Variants in ARHGAP23 observed in about 807,000 individuals in gnomAD.
ARHGAP23 encodes Rho GTPase activating protein 23.
ARHGAP23 carries 34 observed loss-of-function variants against 136.3 expected under a neutral mutation model. That is an observed-to-expected ratio of 0.25 (90% CI 0.19 to 0.33). ARHGAP23 has a LOEUF of 0.33. Among genes scored for constraint, ARHGAP23 ranks in the 10% least tolerant of loss-of-function variants. The probability of loss-of-function intolerance (pLI) is 1.00; values close to 1 mark genes in which losing one functional copy is unlikely to be tolerated. For missense variants in ARHGAP23, 1,808 were observed against 2,139.0 expected (o/e 0.85, Z 3.05); for synonymous variants, 832 against 920.5 (o/e 0.90, Z 1.74).
chr17:38,476,899 G>C (rs1377604225), intron 11 of ARHGAP23, among the ~76,000 whole-genome samples: 5 of 152,182 alleles, frequency 3.3e-5, no homozygotes, highest in African/African-American at 1.2e-4. Flanking sequence ...TACAGGTGTA[G>C]AGGGTGGGGG....
intron 17 of ARHGAP23, among the ~76,000 whole-genome samples, chr17:38,487,982 G>A (rs1440457113): frequency 1.3e-4 from 20 of 152,118 alleles, no homozygotes; most frequent in African/African-American, 4.8e-4. Context: ...GCTCACTGCA[G>A]CCTCAACCTC....
intron 20 of ARHGAP23, among the ~76,000 whole-genome samples, chr17:38,495,727 G>A (rs2040377707): frequency 6.6e-6 from 1 of 152,010 alleles, no homozygotes; most frequent in Non-Finnish European, 1.5e-5. Context: ...CTCTTAATAG[G>A]CTAATATGTG....
At chr17:38,429,458 G>A (rs1455653443) in intron 1 of ARHGAP23, among the ~76,000 whole-genome samples, 2 of 152,234 alleles carry the variant, frequency 1.3e-5, no homozygotes, top group African/African-American at 4.8e-5. Flanking sequence ...AATTCCCCGG[G>A]GTCCAGGTTG....
intron 22 of ARHGAP23, chr17:38,498,950 A>G: frequency 1.6e-6 from 1 of 614,968 alleles, no homozygotes. Flanking sequence ...TTGGAGATTT[A>G]AAGGGTACAG....
rs1464045359 is a variant in ARHGAP23 at position 38,467,072 on chromosome 17, C to G, written c.1389C>G (p.Ser463=). 1 of 1,550,972 alleles carries G rather than the reference C, an allele frequency of 6.4e-7. No homozygotes were observed. Residue 463 remains serine (S), a synonymous_variant, in exon 7 of 24, where the codon TCC becomes TCG. Transcript: ENST00000622683. ...CTGCGTCATTCCCACCAGAGGCCTC[C>G]GAGCCACCCAGGGTTGTACGGCCGG... ...QSPASFPPEA[S]EPPRVVRPEP... is the part of the protein sequence containing the mutation.
chr17:38,501,919 ATATTTAAATAGT>A (rs1424242817), intron 23 of ARHGAP23, among the ~76,000 whole-genome samples: 1 of 151,096 alleles, frequency 6.6e-6, no homozygotes, highest in East Asian at 1.9e-4. Flanking sequence ...AAATATTGAT[ATATTTAAATAGT>A]TATTTAAATA....
chr17:38,507,589 C>T (rs546292533), intron 23 of ARHGAP23, among the ~76,000 whole-genome samples: 17 of 152,286 alleles, frequency 1.1e-4, no homozygotes, highest in African/African-American at 4.1e-4. Flanking sequence ...CTTCTGGAAC[C>T]AGCTGGGATG....
chr17:38,486,536 C>CTTTT (rs34888986), intron 17 of ARHGAP23, among the ~76,000 whole-genome samples: 12 of 125,838 alleles, frequency 9.5e-5, no homozygotes, highest in African/African-American at 2.7e-4. Flanking sequence ...ACCACGCTGG[C>CTTTT]TTTTTTTTTT....
At chr17:38,491,278 A>T in intron 19 of ARHGAP23, 129 bp from the exon 20 acceptor site, 2 of 1,257,558 alleles carry the variant, frequency 1.6e-6, no homozygotes, top group Non-Finnish European at 2.2e-6. Flanking sequence ...CCATGCCCAT[A>T]CAAGGGGGTG....
intron 16 of ARHGAP23, among the ~76,000 whole-genome samples, 159 bp downstream of exon 16, chr17:38,482,837 C>G (rs1480851302): frequency 6.6e-6 from 1 of 152,210 alleles, no homozygotes; most frequent in Admixed American, 6.5e-5. Flanking sequence ...GGGACCTGCC[C>G]CCGCTGGCCA....
intron 16 of ARHGAP23, among the ~76,000 whole-genome samples, chr17:38,483,520 G>T (rs1243769693): frequency 2.0e-5 from 3 of 152,238 alleles, no homozygotes; most frequent in Admixed American, 6.5e-5. Flanking sequence ...CCTGTCTGTT[G>T]TACTGGGTTT....
At chr17:38,419,738 C>T (rs973065184) in intron 1 of ARHGAP23, among the ~76,000 whole-genome samples, 4 of 152,148 alleles carry the variant, frequency 2.6e-5, no homozygotes, top group Admixed American at 2.6e-4. Context: ...AGGGTACAGC[C>T]CCTGCTCCCT....
At chr17:38,504,842 A>T (rs1417806220) in intron 23 of ARHGAP23, among the ~76,000 whole-genome samples, 1 of 152,084 alleles carries the variant, frequency 6.6e-6, no homozygotes, top group Non-Finnish European at 1.5e-5. Flanking sequence ...AGTTACAGCC[A>T]CATTCTGATC....
In ARHGAP23 at chr17:38,466,556, G is replaced by T; in HGVS notation, c.873G>T (p.Trp291Cys). ...AGTGCCAGCAGGCCTTGTCACACTGGCTGTCAAACCAGGTACCCCGCCGGG... is the reference window on the plus strand; with the variant it reads ...AGTGCCAGCAGGCCTTGTCACACTGTCTGTCAAACCAGGTACCCCGCCGGG... ...RLECQQALSH[W>C]LSNQVPRRAG... Residue 291 changes from tryptophan (W) to cysteine (C), a missense_variant, in exon 7 of 24, where the codon TGG becomes TGT. By Grantham distance (215) the Trp-to-Cys change is radical. Coordinates refer to ENST00000622683, the MANE Select transcript of ARHGAP23 (RefSeq NM_001199417.2). 6.8e-7 allele frequency: 1 copy of T among 1,478,870 alleles called. No individual in the cohort carries two copies. The highest frequency in any genetic ancestry group is 8.9e-7 in the Non-Finnish European group (1 of 1,121,466). 91.6% of individuals were successfully genotyped at this position (1,478,870 alleles called of 1,614,324 possible).
chr17:38,438,439 A>T (rs2038851977), intron 1 of ARHGAP23, among the ~76,000 whole-genome samples: 1 of 152,124 alleles, frequency 6.6e-6, no homozygotes, highest in Non-Finnish European at 1.5e-5. Flanking sequence ...GGCATGAACC[A>T]GCTTGGCCTC....
intron 1 of ARHGAP23, among the ~76,000 whole-genome samples, chr17:38,434,870 G>A (rs1412445984): frequency 2.0e-5 from 3 of 152,190 alleles, no homozygotes; most frequent in African/African-American, 7.2e-5. Context: ...GGGGACCTGG[G>A]CAATCCAGAG....
At chr17:38,433,045 T>G (rs939483127) in intron 1 of ARHGAP23, among the ~76,000 whole-genome samples, 6 of 152,206 alleles carry the variant, frequency 3.9e-5, no homozygotes, top group Non-Finnish European at 5.9e-5. Context: ...CTTGAACTCC[T>G]GGGATCAAGT....
At position 38,467,296 on chromosome 17, in the gene ARHGAP23, C is replaced by T. The variant is rs2039633694; in HGVS notation, c.1613C>T (p.Thr538Ile). The change falls in exon 7 of 24, where the codon ACC (threonine) becomes ATC (isoleucine). Residue 538 changes from threonine to isoleucine, a missense_variant. Around this residue, in one of 7 missense-constraint regions of ARHGAP23, gnomAD observed 859 missense variants for 936.4 expected, o/e 0.92. Coordinates refer to ENST00000622683, the MANE Select transcript of ARHGAP23 (RefSeq NM_001199417.2). ...RLGRKVAPLA[T>I]TEDSLASIPF... ...GGCAGGAAGGTGGCCCCTTTGGCCA[C>T]CACCGAAGACTCTCTGGCTTCCATC... 1.1e-5 allele frequency: 17 copies of T among 1,507,662 alleles called. No homozygotes were observed. The highest frequency in any genetic ancestry group is 1.5e-5 in the Non-Finnish European group (17 of 1,127,450). 93.4% of individuals were successfully genotyped at this position (1,507,662 alleles called of 1,614,324 possible). A position where few individuals can be genotyped will look rare whatever the true frequency, so the allele number is the denominator to read the frequency against.
At chr17:38,422,931 T>G (rs1050484172) in intron 1 of ARHGAP23, among the ~76,000 whole-genome samples, 4 of 152,188 alleles carry the variant, frequency 2.6e-5, no homozygotes, top group African/African-American at 7.2e-5. Flanking sequence ...CCAGCGCCTG[T>G]GCCCCACCCT....
Sources: allele counts gnomAD v4.1 joint callset (sites outside exome capture counted in the v4.1 genomes callset), GRCh38; gene constraint gnomAD v4.1.1; regional missense constraint gnomAD v4.1.1; transcripts MANE v1.5; gene names NCBI Gene and HGNC (gene_info 2026-07-23, HGNC 2026-07-21).